The following MACROD2 variants were observed in gnomAD, a reference collection of about 807,000 sequenced individuals.
MACROD2 encodes the protein ADP-ribose glycohydrolase MACROD2.
In MACROD2, 36 loss-of-function variants were observed where a neutral mutation model predicts 70.4. The observed-to-expected ratio is 0.51, with a 90% CI of 0.39 to 0.68. The LOEUF is 0.68. Among genes scored for constraint, MACROD2 ranks in the 30% least tolerant of loss-of-function variants. MACROD2 has a pLI of 0.00. For missense variants in MACROD2, 496 were observed against 538.4 expected, an observed-to-expected ratio of 0.92 and a Z score of 0.78; for synonymous variants, 172 against 178.8, an observed-to-expected ratio of 0.96 and a Z score of 0.30.
chr20:15,797,126 G>T (rs578015465), intron 8 of MACROD2, among the ~76,000 whole-genome samples: 1 of 151,762 alleles, frequency 6.6e-6, no homozygotes, highest in Non-Finnish European at 1.5e-5. Context: ...TGTTTGTTTT[G>T]TTTTTGAGAT....
intron 5 of MACROD2, among the ~76,000 whole-genome samples, chr20:15,073,466 AACACACACAC>A (rs11468103): frequency 0.035 from 5,096 of 144,010 alleles, 240 homozygotes; most frequent in African/African-American, 0.11. Flanking sequence ...TAATTCTCCC[AACACACACAC>A]ACACACACAC....
intron 3 of MACROD2, among the ~76,000 whole-genome samples, chr20:14,244,029 CTAAAGA>C (rs369199566): frequency 6.4e-4 from 97 of 152,306 alleles, no homozygotes; most frequent in Non-Finnish European, 2.9e-4. Flanking sequence ...ACTGGAACAT[CTAAAGA>C]TAATCATCAA....
chr20:14,920,643 T>C (rs2074151589), intron 5 of MACROD2, among the ~76,000 whole-genome samples: 1 of 152,110 alleles, frequency 6.6e-6, no homozygotes, highest in African/African-American at 2.4e-5. Context: ...AGGTGAAGAG[T>C]TACCTTCTAG....
At chr20:15,040,186 A>T (rs1054206000) in intron 5 of MACROD2, among the ~76,000 whole-genome samples, 3 of 152,036 alleles carry the variant, frequency 2.0e-5, no homozygotes, top group Non-Finnish European at 4.4e-5. Flanking sequence ...GTGGTGGCAC[A>T]TGCCTGTAGT....
At chr20:15,406,141 T>G (rs1255129181) in intron 6 of MACROD2, among the ~76,000 whole-genome samples, 1 of 152,210 alleles carries the variant, frequency 6.6e-6, no homozygotes, top group Non-Finnish European at 1.5e-5. Context: ...CATCATTTGA[T>G]CATCTTATCC....
At chr20:14,715,308 G>A (rs1025981084) in intron 5 of MACROD2, among the ~76,000 whole-genome samples, 4 of 152,186 alleles carry the variant, frequency 2.6e-5, no homozygotes, top group African/African-American at 9.7e-5. Context: ...CTCACCATAG[G>A]TGGGGATTAT....
intron 3 of MACROD2, among the ~76,000 whole-genome samples, chr20:14,171,403 T>A (rs530201699): frequency 5.6e-4 from 85 of 152,324 alleles, no homozygotes; most frequent in African/African-American, 2.0e-3. Context: ...GGTTTGTTCT[T>A]GTTTCTCTAG....
At chr20:14,833,660 T>G (rs2072996597) in intron 5 of MACROD2, among the ~76,000 whole-genome samples, 1 of 152,134 alleles carries the variant, frequency 6.6e-6, no homozygotes, top group Non-Finnish European at 1.5e-5. Context: ...GATTTTACTC[T>G]AATGTAGGTA....
intron 3 of MACROD2, among the ~76,000 whole-genome samples, chr20:14,441,728 A>G (rs1236669185): frequency 1.3e-5 from 2 of 152,218 alleles, no homozygotes; most frequent in African/African-American, 4.8e-5. Flanking sequence ...GTCTGCTGGC[A>G]TATTACCTTT....
chr20:15,385,785 G>A (rs781157543), intron 6 of MACROD2, among the ~76,000 whole-genome samples: 8 of 152,030 alleles, frequency 5.3e-5, no homozygotes, highest in Non-Finnish European at 1.0e-4. Context: ...AGCCAACTTC[G>A]TTCTGAATCT....
chr20:14,167,837 C>T (rs189113908), intron 3 of MACROD2, among the ~76,000 whole-genome samples: 119 of 152,250 alleles, frequency 7.8e-4, no homozygotes, highest in African/African-American at 2.7e-3. Context: ...CGAAGACTCT[C>T]CTGTGTGCCA....
intron 10 of MACROD2, among the ~76,000 whole-genome samples, chr20:15,917,838 C>G (rs916602158): frequency 2.1e-5 from 3 of 145,874 alleles, no homozygotes; most frequent in Non-Finnish European, 4.5e-5. Flanking sequence ...TGAATTCATA[C>G]TAAAAGAGGG....
intron 7 of MACROD2, among the ~76,000 whole-genome samples, chr20:15,458,732 G>A (rs369290316): frequency 2.0e-5 from 3 of 151,162 alleles, no homozygotes; most frequent in Middle Eastern, 3.4e-3. Context: ...TTCTTTCAAA[G>A]TTCCATGGGT....
At chr20:15,437,638 C>T (rs1227408002) in intron 7 of MACROD2, among the ~76,000 whole-genome samples, 2 of 152,100 alleles carry the variant, frequency 1.3e-5, no homozygotes, top group Non-Finnish European at 2.9e-5. Context: ...TTTTCTGCTC[C>T]CCTCCTTCCT....
chr20:15,687,509 C>G (rs2050243659), intron 8 of MACROD2, among the ~76,000 whole-genome samples: 1 of 139,046 alleles, frequency 7.2e-6, no homozygotes, highest in Non-Finnish European at 1.5e-5. Context: ...GTCCTTTGGT[C>G]ATTGTCCTAC....
At chr20:15,986,696 T>G in intron 13 of MACROD2, 31 bp from the exon 14 acceptor site, 1 of 1,561,110 alleles carries the variant, frequency 6.4e-7, no homozygotes, top group Non-Finnish European at 8.8e-7. Flanking sequence ...ATATCACATT[T>G]CTTTTATTTT....
At chr20:14,320,084 G>A (rs765531949) in intron 3 of MACROD2, among the ~76,000 whole-genome samples, 6 of 152,136 alleles carry the variant, frequency 3.9e-5, no homozygotes, top group Non-Finnish European at 8.8e-5. Flanking sequence ...TTAATAATTA[G>A]CAGATGTAAA....
intron 4 of MACROD2, among the ~76,000 whole-genome samples, chr20:14,664,529 G>A (rs1303007586): frequency 6.6e-6 from 1 of 151,958 alleles, no homozygotes; most frequent in Non-Finnish European, 1.5e-5. Flanking sequence ...TTATCAACAC[G>A]TTAGTTTTGG....
At chr20:15,563,917 C>G (rs1259390270) in intron 8 of MACROD2, among the ~76,000 whole-genome samples, 3 of 152,150 alleles carry the variant, frequency 2.0e-5, no homozygotes, top group Non-Finnish European at 4.4e-5. Flanking sequence ...CAAAGGATAG[C>G]ATTTTTCTTT....
Sources: allele counts gnomAD v4.1 joint callset (sites outside exome capture counted in the v4.1 genomes callset), GRCh38; gene constraint gnomAD v4.1.1; transcripts MANE v1.5; gene names NCBI Gene and HGNC (gene_info 2026-07-23, HGNC 2026-07-21).